Variants in CDH13 observed in about 807,000 individuals in gnomAD.
The protein encoded by CDH13 is cadherin 13.
CDH13 carries 24 observed loss-of-function variants against 63.8 expected under a neutral mutation model. That is an observed-to-expected ratio of 0.38 (90% CI 0.27 to 0.53). CDH13 has a LOEUF of 0.53. Among genes scored for constraint, CDH13 ranks in the 20% least tolerant of loss-of-function variants. The probability of loss-of-function intolerance (pLI) is 0.85; values close to 1 mark genes in which losing one functional copy is unlikely to be tolerated. For missense variants in CDH13, 1,049 were observed against 903.1 expected (o/e 1.16, Z -2.07); for synonymous variants, 503 against 355.3 (o/e 1.42, Z -4.67).
At chr16:82,817,834 T>C (rs137900238) in intron 1 of CDH13, among the ~76,000 whole-genome samples, 37 of 152,234 alleles carry the variant, frequency 2.4e-4, no homozygotes, top group African/African-American at 7.7e-4. Flanking sequence ...CACATATAGT[T>C]ATATATAAAA....
At chr16:83,602,368 C>T in intron 7 of CDH13, 86 bp from the exon 8 acceptor site, 1 of 1,342,138 alleles carries the variant, frequency 7.5e-7, no homozygotes, top group Non-Finnish European at 1.1e-6. Context: ...GGGGGAGAGA[C>T]AGCTCCAGCA....
chr16:83,044,522 G>T (rs1019579932), intron 3 of CDH13, among the ~76,000 whole-genome samples: 1 of 152,178 alleles, frequency 6.6e-6, no homozygotes, highest in African/African-American at 2.4e-5. Flanking sequence ...ACAGCACGAG[G>T]TGTCTAAATG....
chr16:82,951,104 C>T (rs1567687696), intron 2 of CDH13, among the ~76,000 whole-genome samples: 1 of 152,018 alleles, frequency 6.6e-6, no homozygotes, highest in Non-Finnish European at 1.5e-5. Context: ...GGAGTGAGGG[C>T]ACAGGTCACA....
intron 7 of CDH13, among the ~76,000 whole-genome samples, chr16:83,533,850 A>G (rs544323704): frequency 6.6e-6 from 1 of 151,982 alleles, no homozygotes; most frequent in Admixed American, 6.6e-5. Context: ...CAAACTCCTG[A>G]CCCCAAGTGA....
At chr16:83,238,427 A>C (rs919559973) in intron 5 of CDH13, among the ~76,000 whole-genome samples, 1 of 152,176 alleles carries the variant, frequency 6.6e-6, no homozygotes, top group Non-Finnish European at 1.5e-5. Context: ...ACCCACCCCC[A>C]TGATTCAATT....
At chr16:82,696,377 G>C (rs994263516) in intron 1 of CDH13, among the ~76,000 whole-genome samples, 1 of 152,116 alleles carries the variant, frequency 6.6e-6, no homozygotes, top group Non-Finnish European at 1.5e-5. Context: ...TAATCAGAAA[G>C]TAAACCTTAA....
chr16:83,350,394 G>A (rs1284654268), intron 6 of CDH13, among the ~76,000 whole-genome samples: 1 of 152,204 alleles, frequency 6.6e-6, no homozygotes, highest in Non-Finnish European at 1.5e-5. Flanking sequence ...TTACCTAAAG[G>A]TGCACGTTCT....
intron 1 of CDH13, among the ~76,000 whole-genome samples, chr16:82,634,532 C>T (rs963194526): frequency 5.9e-5 from 9 of 152,164 alleles, no homozygotes; most frequent in Non-Finnish European, 8.8e-5. Flanking sequence ...AATTATGGCC[C>T]GTGAGCCAAT....
At chr16:83,473,062 A>G (rs1476938899) in intron 6 of CDH13, among the ~76,000 whole-genome samples, 1 of 152,176 alleles carries the variant, frequency 6.6e-6, no homozygotes, top group Non-Finnish European at 1.5e-5. Flanking sequence ...GACAGTCCAG[A>G]AGGCCCCCTC....
At chr16:82,884,259 C>T in intron 2 of CDH13, 1 of 453,596 alleles carries the variant, frequency 2.2e-6, no homozygotes, top group South Asian at 1.6e-5. Context: ...AGAAGGAAAT[C>T]TGCAGGTATA....
intron 2 of CDH13, among the ~76,000 whole-genome samples, chr16:82,992,782 C>T (rs1911798412): frequency 6.6e-6 from 1 of 152,120 alleles, no homozygotes; most frequent in Non-Finnish European, 1.5e-5. Context: ...AAGTAGTTGA[C>T]CCCATAAAAA....
chr16:82,676,072 C>T (rs1913865473), intron 1 of CDH13, among the ~76,000 whole-genome samples: 1 of 152,192 alleles, frequency 6.6e-6, no homozygotes, highest in African/African-American at 2.4e-5. Context: ...TGCCTGGCAA[C>T]ATTCTAGGTG....
At chr16:83,595,747 A>T (rs543644649) in intron 7 of CDH13, among the ~76,000 whole-genome samples, 1 of 152,180 alleles carries the variant, frequency 6.6e-6, no homozygotes, top group Admixed American at 6.5e-5. Flanking sequence ...GACTGCAAGG[A>T]CGCCTGAGCT....
intron 5 of CDH13, among the ~76,000 whole-genome samples, chr16:83,333,082 C>T (rs2090512533): frequency 6.6e-6 from 1 of 152,046 alleles, no homozygotes; most frequent in South Asian, 2.1e-4. Flanking sequence ...GAGATATAAA[C>T]ACCACATCCA....
intron 12 of CDH13, among the ~76,000 whole-genome samples, chr16:83,781,940 A>AG (rs1258751652): frequency 6.6e-6 from 1 of 151,882 alleles, no homozygotes; most frequent in Non-Finnish European, 1.5e-5. Context: ...AAAAAAAAAA[A>AG]GAAGAAAAAA....
chr16:82,868,258 T>G (rs2040221271), intron 2 of CDH13, among the ~76,000 whole-genome samples: 1 of 152,162 alleles, frequency 6.6e-6, no homozygotes, highest in African/African-American at 2.4e-5. Context: ...GGACTCCTAT[T>G]TACATTAATA....
At position 83,679,247 on chromosome 16, in the gene CDH13, G is replaced by A. The variant is rs117791053; in HGVS notation, c.1538+786G>A. On this transcript the variant is annotated intron_variant, in intron 10 of 13. Transcript: ENST00000567109. ...ATGCTCACAAATAAAAGATGCCCTC[G>A]TTGGTACATGGTTTCACAATAAACT... is the stretch of plus-strand genomic sequence containing the variant. Among the ~76,000 whole-genome samples the A allele has an allele frequency of 8.0e-3, 1,223 of 152,286 alleles. 5 individuals carry two copies. The highest frequency in any genetic ancestry group is 0.012 in the Non-Finnish European group (804 of 68,040).
chr16:83,454,405 G>C (rs1411343238), intron 6 of CDH13, among the ~76,000 whole-genome samples: 4 of 152,150 alleles, frequency 2.6e-5, no homozygotes, highest in African/African-American at 7.2e-5. Context: ...ATTGACACTA[G>C]AAATCAGCCC....
At chr16:83,351,658 A>G (rs976801209) in intron 6 of CDH13, among the ~76,000 whole-genome samples, 1 of 152,170 alleles carries the variant, frequency 6.6e-6, no homozygotes, top group Non-Finnish European at 1.5e-5. Context: ...TCACTTTTCT[A>G]CACTTCCATC....
Sources: gnomAD v4.1 joint callset for allele counts (sites outside exome capture counted in the v4.1 genomes callset) on GRCh38, gnomAD v4.1.1 for gene constraint, MANE v1.5 for transcripts, NCBI Gene and HGNC (gene_info 2026-07-23, HGNC 2026-07-21) for gene names.